The following BRPF3 variants were observed in gnomAD, a reference collection of about 807,000 sequenced individuals.
The protein encoded by BRPF3 is bromodomain and PHD finger containing 3, also known as bromodomain and PHD finger-containing protein 3.
A neutral mutation model predicts 102.0 loss-of-function variants in BRPF3; 18 were observed. The ratio of observed to expected loss-of-function variants is 0.18; its 90% CI spans 0.12 to 0.26. BRPF3 has a LOEUF of 0.26. Among genes scored for constraint, BRPF3 ranks in the 10% least tolerant of loss-of-function variants. The pLI, the probability that BRPF3 is intolerant of heterozygous loss-of-function variation, is 1.00. For synonymous variants in BRPF3, 570 were observed against 614.2 expected (o/e 0.93, Z 1.06); for missense variants, 1,147 against 1,567.8 (o/e 0.73, Z 4.53).
Position 36,201,630 on chromosome 6 carries a change from G to T in BRPF3, c.1308G>T (p.Gly436=). The change falls in exon 2 of 13, where the codon GGG becomes GGT. Residue 436 remains glycine, a synonymous_variant. Coordinates refer to ENST00000357641, the MANE Select transcript of BRPF3 (RefSeq NM_015695.3). This position sits in a 1 kb window ranked among gnomAD's most constrained non-coding sequence, Gnocchi z 5.1. ...AAGAAGAGCAGGAAGCTCAAGGCGG[G>T]GTGAGTGGCTCCCTCAAGGGAGTGC... The part of the protein sequence containing the change: ...VEEEEQEAQG[G]VSGSLKGVPK... The T allele has an allele frequency of 6.2e-7, 1 of 1,614,150 alleles. No individual in the cohort carries two copies. The highest frequency in any genetic ancestry group is 8.5e-7 in the Non-Finnish European group (1 of 1,180,004).
chr6:36,200,886 A>G lies in BRPF3; in HGVS notation c.564A>G (p.Val188=). The G allele has an allele frequency of 3.1e-6, 5 of 1,614,226 alleles. No homozygotes were observed. In the South Asian group the frequency reaches 3.3e-5, roughly 11 times the overall value. Reference sequence around the variant, plus strand: ...CTGCAGATACCTTTGAGCTGCTGGTAGACCGGCTTGAGAAAGAGTCATACT... The same window carrying G: ...CTGCAGATACCTTTGAGCTGCTGGTGGACCGGCTTGAGAAAGAGTCATACT... ...LVSADTFELL[V]DRLEKESYLE... is the part of the protein sequence containing the mutation. The change falls in exon 2 of 13, where the codon GTA becomes GTG. Residue 188 remains valine, a synonymous_variant. Transcript: ENST00000357641. This position sits in a 1 kb window ranked among gnomAD's most constrained non-coding sequence, Gnocchi z 5.3.
Position 36,210,489 on chromosome 6 carries a change from C to T in BRPF3, c.2140C>T (p.Pro714Ser). The T allele has an allele frequency of 6.2e-7, 1 of 1,602,046 alleles. No homozygotes were observed. ...PERGTHLPES[P>S]KLEDFYRFSW... is the part of the protein sequence containing the mutation. Reference sequence around the variant, plus strand: ...GAGGGGCACTCACCTGCCCGAGTCACCCAAATTGGAAGACTTTTACCGCTT... The same window carrying T: ...GAGGGGCACTCACCTGCCCGAGTCATCCAAATTGGAAGACTTTTACCGCTT... Residue 714 changes from proline (P) to serine (S), a missense_variant, in exon 6 of 13, where the codon CCC becomes TCC. By Grantham distance (74) the Pro-to-Ser change is moderately conservative. Coordinates refer to ENST00000357641, the MANE Select transcript of BRPF3 (RefSeq NM_015695.3). The surrounding 1 kb of genome is among the most constrained non-coding windows in gnomAD (Gnocchi z 4.7).
At chr6:36,197,154 G>C (rs1767521807) in intron 1 of BRPF3, 184 bp downstream of exon 1, 1 of 152,552 alleles carries the variant, frequency 6.6e-6, no homozygotes, top group African/African-American at 2.4e-5. Context: ...GTGAGCGGGG[G>C]AGCTGAGAAG....
intron 10 of BRPF3, among the ~76,000 whole-genome samples, chr6:36,222,981 T>C (rs1174044284): frequency 6.6e-6 from 1 of 152,214 alleles, no homozygotes; most frequent in African/African-American, 2.4e-5. Flanking sequence ...ATAGCCTGTA[T>C]CACTGAATCT....
intron 12 of BRPF3, among the ~76,000 whole-genome samples, chr6:36,229,485 G>A (rs1048320377): frequency 9.9e-5 from 15 of 152,230 alleles, no homozygotes; most frequent in Non-Finnish European, 2.1e-4. Flanking sequence ...TGTGGCCTGG[G>A]CCTGAGGCTT....
At position 36,207,300 on chromosome 6, in the gene BRPF3, T is replaced by C. The variant is rs891684727; in HGVS notation, c.1606-13T>C. ...AAGGAGGTTCCTAGTCCCTCTTCTC[T>C]TCCCTCCTGTAGCGAGAGCAGGATG... On this transcript the variant is annotated splice_polypyrimidine_tract_variant and intron_variant, in intron 3 of 12. Transcript: ENST00000357641. 1.2e-6 allele frequency: 2 copies of C among 1,610,938 alleles called. No individual in the cohort carries two copies. The highest frequency in any genetic ancestry group is 1.3e-5 in the African/African-American group (1 of 74,828).
intron 9 of BRPF3, among the ~76,000 whole-genome samples, chr6:36,220,911 TC>T (rs1351898300): frequency 6.6e-6 from 1 of 152,252 alleles, no homozygotes; most frequent in Non-Finnish European, 1.5e-5. Flanking sequence ...TACCCTACTC[TC>T]CAACCAGTCC....
In BRPF3 at chr6:36,212,160, T is replaced by A. The variant is rs535511244; in HGVS notation, c.2482+600T>A. 1.9e-3 allele frequency among the ~76,000 whole-genome samples: 292 copies of A among 151,952 alleles called. 1 individual carries two copies. Among genetic ancestry groups the A allele is most frequent in the Non-Finnish European group, 2.8e-3 (193 of 67,922 alleles). ...TTGATCTTGAGAAAAGACAAAAAAATAAAAATAAAAAAGAAGAAAAGACAG... is the reference window on the plus strand; with the variant it reads ...TTGATCTTGAGAAAAGACAAAAAAAAAAAAATAAAAAAGAAGAAAAGACAG... On this transcript the variant is annotated intron_variant, in intron 7 of 12. Coordinates refer to ENST00000357641, the MANE Select transcript of BRPF3 (RefSeq NM_015695.3).
chr6:36,205,113 T>C (rs1390380210), intron 3 of BRPF3, among the ~76,000 whole-genome samples: 2 of 152,222 alleles, frequency 1.3e-5, no homozygotes, highest in Non-Finnish European at 2.9e-5. Flanking sequence ...GTAGGCTGAA[T>C]GAGAGCCAGG....
chr6:36,223,563 A>C (rs1036335141), intron 10 of BRPF3, among the ~76,000 whole-genome samples: 3 of 152,200 alleles, frequency 2.0e-5, no homozygotes, highest in Admixed American at 6.5e-5. Context: ...GCACATTTTT[A>C]ACAAAATGCT....
In BRPF3 at chr6:36,196,758, A is replaced by T. The variant is rs1767503621; in HGVS notation, c.-239A>T. 1 of 152,768 alleles carries T rather than the reference A, an allele frequency of 6.5e-6. No homozygotes were observed. Among genetic ancestry groups the T allele is most frequent in the Non-Finnish European group, 1.5e-5 (1 of 68,944 alleles). 9.5% of individuals were successfully genotyped at this position (152,768 alleles called of 1,614,324 possible). On this transcript the variant is annotated 5_prime_UTR_variant, in exon 1 of 13. Coordinates refer to ENST00000357641, the MANE Select transcript of BRPF3 (RefSeq NM_015695.3). Reference sequence around the variant, plus strand: ...GGCCGGGCTCCGTGGCGGCAGCGGCAGCAGCGGCGGCTCCATTCCCCCTCC... The same window carrying T: ...GGCCGGGCTCCGTGGCGGCAGCGGCTGCAGCGGCGGCTCCATTCCCCCTCC...
intron 8 of BRPF3, among the ~76,000 whole-genome samples, chr6:36,215,977 A>G (rs951319528): frequency 6.6e-6 from 1 of 152,080 alleles, no homozygotes; most frequent in African/African-American, 2.4e-5. Context: ...CTTGCCTGAC[A>G]TTTTGTTTTC....
At chr6:36,217,741 C>A (rs934717918) in intron 8 of BRPF3, among the ~76,000 whole-genome samples, 176 bp from the exon 9 acceptor site, 2 of 152,170 alleles carry the variant, frequency 1.3e-5, no homozygotes, top group African/African-American at 4.8e-5. Flanking sequence ...TATTTCCCCC[C>A]AAACTTTTAT....
At position 36,230,354 on chromosome 6, in the gene BRPF3, G is replaced by T; in HGVS notation, c.3435-72G>T. ...CCCTGGCTTTGCTGGTCCTGGCCAAGTGGGGCCACAGGAGCCCGAGCCCCC... is the reference window on the plus strand; with the variant it reads ...CCCTGGCTTTGCTGGTCCTGGCCAATTGGGGCCACAGGAGCCCGAGCCCCC... On this transcript the variant is annotated intron_variant, in intron 12 of 12. Coordinates refer to ENST00000357641, the MANE Select transcript of BRPF3 (RefSeq NM_015695.3). The surrounding 1 kb of genome is among the most constrained non-coding windows in gnomAD (Gnocchi z 5.4). 6.6e-7 allele frequency: 1 copy of T among 1,514,766 alleles called. No individual in the cohort carries two copies. The allele number at this position is 1,514,766 out of a possible 1,614,324, so 93.8% of individuals were successfully genotyped here.
In BRPF3 at chr6:36,230,664, G is replaced by T. The variant is rs879094162; in HGVS notation, c.*55G>T. The T allele has an allele frequency of 1.8e-5, 28 of 1,574,216 alleles. No homozygotes were observed. The highest frequency in any genetic ancestry group is 2.3e-5 in the Non-Finnish European group (27 of 1,155,716). On this transcript the variant is annotated 3_prime_UTR_variant, in exon 13 of 13. Transcript: ENST00000357641. This position sits in a 1 kb window ranked among gnomAD's most constrained non-coding sequence, Gnocchi z 5.4. ...CTGCCTCCATCCCGCAGGGCACAGAGAAGCCTCTTCTGCCCCTGCCAGATG... is the reference window on the plus strand; with the variant it reads ...CTGCCTCCATCCCGCAGGGCACAGATAAGCCTCTTCTGCCCCTGCCAGATG...
chr6:36,222,193 C>T lies in BRPF3; in HGVS notation c.3109C>T (p.Arg1037Cys), dbSNP rs1231576991. 8.4e-6 allele frequency: 13 copies of T among 1,550,304 alleles called. No homozygotes were observed. Among genetic ancestry groups the T allele is most frequent in the Non-Finnish European group, 1.0e-5 (12 of 1,147,186 alleles). ...TGGTCTGACGCCCCCCAAACGCAGC[C>T]GTGGGAAGCCAGCCCTGTCTCGAGT... Reference protein sequence around the residue: ...CSGLTPPKRSRGKPALSRVPF... With the variant: ...CSGLTPPKRSCGKPALSRVPF... The change falls in exon 10 of 13, where the codon CGT becomes TGT. Residue 1037 changes from arginine to cysteine, a missense_variant. Arg to Cys is a radical substitution (Grantham distance 180). Around this residue, in one of 11 missense-constraint regions of BRPF3, gnomAD observed 379 missense variants for 426.3 expected, o/e 0.89. Transcript: ENST00000357641.
chr6:36,227,587 C>A (rs1482977160), intron 11 of BRPF3, among the ~76,000 whole-genome samples: 1 of 152,208 alleles, frequency 6.6e-6, no homozygotes, highest in East Asian at 1.9e-4. Flanking sequence ...CCTCTGCAAG[C>A]ACCCTGGGTT....
Position 36,211,412 on chromosome 6 carries a change from T to C in BRPF3, c.2334T>C (p.Leu778=), listed in dbSNP as rs775097693. The C allele has an allele frequency of 8.7e-6, 14 of 1,613,680 alleles. No individual in the cohort carries two copies. In the South Asian group the frequency reaches 1.4e-4, roughly 16 times the overall value. The change falls in exon 7 of 13, where the codon CTT becomes CTC. Residue 778 remains leucine, a synonymous_variant. Coordinates refer to ENST00000357641, the MANE Select transcript of BRPF3 (RefSeq NM_015695.3). ...VRLLRREINA[L]RQKLAQPPPP... ...TGCTACGCCGGGAGATCAATGCCCT[T>C]CGGCAGAAGCTGGCACAGCCACCAC... is the stretch of plus-strand genomic sequence containing the variant.
rs766849656 is a variant in BRPF3 at position 36,200,500 on chromosome 6, A to G, written c.178A>G (p.Ile60Val). 1 of 1,614,238 alleles carries G rather than the reference A, an allele frequency of 6.2e-7. No individual in the cohort carries two copies. Among genetic ancestry groups the G allele is most frequent in the Non-Finnish European group, 8.5e-7 (1 of 1,180,046 alleles). ...HRISIYDPLK[I>V]ITEDELTAQD... ...TATCAGCATCTATGACCCACTCAAA[A>G]TCATTACTGAAGATGAGCTAACTGC... Residue 60 changes from isoleucine (I) to valine (V), a missense_variant, in exon 2 of 13, where the codon ATC (isoleucine) becomes GTC (valine). Transcript: ENST00000357641. The surrounding 1 kb of genome is among the most constrained non-coding windows in gnomAD (Gnocchi z 5.3).
Sources: gnomAD v4.1 joint callset for allele counts (sites outside exome capture counted in the v4.1 genomes callset) on GRCh38, gnomAD v4.1.1 for gene constraint, gnomAD v4.1.1 regional missense constraint, Gnocchi (gnomAD v3.1) non-coding constraint, MANE v1.5 for transcripts, NCBI Gene and HGNC (gene_info 2026-07-23, HGNC 2026-07-21) for gene names.